Variants in HNRNPM observed in about 807,000 individuals in gnomAD.
The protein encoded by HNRNPM is CEA receptor.
A neutral mutation model predicts 73.1 loss-of-function variants in HNRNPM; 11 were observed. The observed-to-expected ratio is 0.15, with a 90% CI of 0.09 to 0.25. The LOEUF is 0.25. Among genes scored for constraint, HNRNPM ranks in the 10% least tolerant of loss-of-function variants. The pLI, the probability that HNRNPM is intolerant of heterozygous loss-of-function variation, is 1.00. For missense variants in HNRNPM, 789 were observed against 1,067.9 expected (o/e 0.74, Z 3.64); for synonymous variants, 407 against 355.2 (o/e 1.15, Z -1.64).
intron 12 of HNRNPM, 190 bp from the exon 13 acceptor site, chr19:8,482,968 C>G: frequency 1.8e-6 from 1 of 558,258 alleles, no homozygotes; most frequent in Non-Finnish European, 3.1e-6. Context: ...GTCTTGGCAT[C>G]GTGACCCAGC....
At position 8,462,790 on chromosome 19, in the gene HNRNPM, A is replaced by T. The variant is rs562964732; in HGVS notation, c.336+209A>T. 1.3e-5 allele frequency among the ~76,000 whole-genome samples: 2 copies of T among 152,258 alleles called. No homozygotes were observed. Among genetic ancestry groups the T allele is most frequent in the East Asian group, 3.9e-4 (2 of 5,188 alleles). ...ATGGCTGGCCAAAGAGCTTTTTGGT[A>T]TTCTGTTTGGATGCCCAATTTGGAT... is the stretch of plus-strand genomic sequence containing the variant. On this transcript the variant is annotated intron_variant, in intron 3 of 15. Coordinates refer to ENST00000325495, the MANE Select transcript of HNRNPM (RefSeq NM_005968.5). The surrounding 1 kb of genome is among the most constrained non-coding windows in gnomAD (Gnocchi z 4.5).
intron 1 of HNRNPM, among the ~76,000 whole-genome samples, 176 bp from the exon 2 acceptor site, chr19:8,455,226 CCTT>C (rs1027844884): frequency 3.3e-5 from 5 of 152,138 alleles, no homozygotes; most frequent in African/African-American, 1.2e-4. Context: ...AATGATCCCC[CCTT>C]CTTGGCTTCC....
chr19:8,477,411 A>G (rs1372108409), intron 12 of HNRNPM, among the ~76,000 whole-genome samples: 2 of 152,120 alleles, frequency 1.3e-5, no homozygotes, highest in African/African-American at 2.4e-5. Flanking sequence ...TTATCCCAAC[A>G]CTTTGGGAGG....
At chr19:8,468,067 A>C (rs1215124606) in intron 8 of HNRNPM, among the ~76,000 whole-genome samples, 1 of 152,216 alleles carries the variant, frequency 6.6e-6, no homozygotes, top group Non-Finnish European at 1.5e-5. Context: ...TGCTCATGGC[A>C]GCTCTTGACT....
chr19:8,465,444 C>G lies in HNRNPM; in HGVS notation c.559C>G (p.Pro187Ala), dbSNP rs1447883388. The G allele has an allele frequency of 1.2e-6, 2 of 1,613,538 alleles. No individual in the cohort carries two copies. Among genetic ancestry groups the G allele is most frequent in the Non-Finnish European group, 1.7e-6 (2 of 1,179,656 alleles). The change falls in exon 6 of 16, where the codon CCC (proline) becomes GCC (alanine). Residue 187 changes from proline (P) to alanine (A), a missense_variant. Coordinates refer to ENST00000325495, the MANE Select transcript of HNRNPM (RefSeq NM_005968.5). ...ITIPPSILNN[P>A]NIPNEIIHAL... is the part of the protein sequence containing the mutation. ...TATCCCACCCAGTATCCTAAATAATCCCAACATCCCAAATGAGATTATCCA... is the reference window on the plus strand; with the variant it reads ...TATCCCACCCAGTATCCTAAATAATGCCAACATCCCAAATGAGATTATCCA...
intron 10 of HNRNPM, among the ~76,000 whole-genome samples, chr19:8,471,674 T>C (rs529518171): frequency 6.6e-6 from 1 of 152,350 alleles, no homozygotes; most frequent in African/African-American, 2.4e-5. Context: ...GCTGAAATAG[T>C]TGTGCCATTT....
At chr19:8,446,072 C>T (rs1214683576) in intron 1 of HNRNPM, among the ~76,000 whole-genome samples, 1 of 152,184 alleles carries the variant, frequency 6.6e-6, no homozygotes, top group Non-Finnish European at 1.5e-5. Context: ...GTTTTGGCTC[C>T]AAGATCAGCG....
chr19:8,452,292 G>GT (rs910064662), intron 1 of HNRNPM, among the ~76,000 whole-genome samples: 14 of 152,164 alleles, frequency 9.2e-5, no homozygotes, highest in Non-Finnish European at 2.1e-4. Context: ...CTGTCAGAAT[G>GT]TTTTTTATTG....
intron 11 of HNRNPM, 32 bp from the exon 12 acceptor site, chr19:8,474,135 G>T: frequency 6.6e-7 from 1 of 1,507,214 alleles, no homozygotes; most frequent in Non-Finnish European, 9.0e-7. Context: ...CAGTCTTGTT[G>T]GATGATGCTG....
chr19:8,466,482 A>G, intron 7 of HNRNPM, 94 bp downstream of exon 7: 4 of 1,279,782 alleles, frequency 3.1e-6, no homozygotes, highest in Non-Finnish European at 4.5e-6. Context: ...GACTGTGTGT[A>G]TTCATGTTTT....
Position 8,449,597 on chromosome 19 carries a change from G to A in HNRNPM, c.113+4486G>A, listed in dbSNP as rs1319964453. 4.5e-4 allele frequency among the ~76,000 whole-genome samples: 3 copies of A among 6,640 alleles called. 1 individual carries two copies. Among genetic ancestry groups the A allele is most frequent in the African/African-American group, 4.6e-4 (3 of 6,456 alleles). The allele number at this position is 6,640 out of a possible 152,430, so 4.4% of individuals were successfully genotyped here. On this transcript the variant is annotated intron_variant, in intron 1 of 15. Transcript: ENST00000325495. ...GTCGCCCAGGCTGGAGTGCAGTGGCGGGATCTCGGCTCGCTGCAAGCTCCG... is the reference window on the plus strand; with the variant it reads ...GTCGCCCAGGCTGGAGTGCAGTGGCAGGATCTCGGCTCGCTGCAAGCTCCG...
chr19:8,483,226 G>A lies in HNRNPM; in HGVS notation c.1174+15G>A. 6.2e-7 allele frequency: 1 copy of A among 1,603,174 alleles called. No individual in the cohort carries two copies. Among genetic ancestry groups the A allele is most frequent in the Non-Finnish European group, 8.5e-7 (1 of 1,170,108 alleles). Reference sequence around the variant, plus strand: ...GCAGGGAGGAGGTAGGAACCGCTTAGTTTGATGTTTTGTTTTTTTAGAACA... The same window carrying A: ...GCAGGGAGGAGGTAGGAACCGCTTAATTTGATGTTTTGTTTTTTTAGAACA... On this transcript the variant is annotated intron_variant, in intron 13 of 15. Transcript: ENST00000325495.
At chr19:8,456,475 G>A (rs763631233) in intron 2 of HNRNPM, among the ~76,000 whole-genome samples, 2 of 152,156 alleles carry the variant, frequency 1.3e-5, no homozygotes, top group Admixed American at 6.5e-5. Context: ...CGCCCTCCCC[G>A]CACCCCGACC....
intron 1 of HNRNPM, among the ~76,000 whole-genome samples, chr19:8,450,120 T>G (rs1356883706): frequency 6.6e-6 from 1 of 152,190 alleles, no homozygotes; most frequent in Non-Finnish European, 1.5e-5. Context: ...TGAATAGTGC[T>G]CTCCACACCT....
intron 12 of HNRNPM, among the ~76,000 whole-genome samples, chr19:8,480,069 G>A (rs1306045588): frequency 8.7e-5 from 12 of 138,214 alleles, no homozygotes; most frequent in Non-Finnish European, 1.1e-4. Context: ...CACCGCACCC[G>A]GCCAAAGAAA....
At chr19:8,481,803 C>A (rs973361696) in intron 12 of HNRNPM, among the ~76,000 whole-genome samples, 7 of 152,040 alleles carry the variant, frequency 4.6e-5, no homozygotes, top group Non-Finnish European at 1.5e-5. Context: ...TCAGGCATGC[C>A]GGGCAGGATC....
Position 8,466,349 on chromosome 19 carries a change from G to A in HNRNPM, c.745G>A (p.Val249Ile). Residue 249 changes from valine (V) to isoleucine (I), a missense_variant, in exon 7 of 16, where the codon GTT (valine) becomes ATT (isoleucine). Physicochemically the swap from Val to Ile is conservative, Grantham distance 29 (BLOSUM62 3). Transcript: ENST00000325495. ...TGGAAAAAGTCGTGGAATAGGCACT[G>A]TTACTTTTGAACAGTCCATTGAAGC... ...KDGKSRGIGTVTFEQSIEAVQ... is the reference protein window; with the variant it reads ...KDGKSRGIGTITFEQSIEAVQ... 6.2e-7 allele frequency: 1 copy of A among 1,614,104 alleles called. No individual in the cohort carries two copies. Among genetic ancestry groups the A allele is most frequent in the Non-Finnish European group, 8.5e-7 (1 of 1,179,990 alleles).
At position 8,488,913 on chromosome 19, in the gene HNRNPM, AC is replaced by A; in HGVS notation, c.*61del. 6.9e-7 allele frequency: 1 copy of A among 1,458,200 alleles called. No individual in the cohort carries two copies. Among genetic ancestry groups the A allele is most frequent in the African/African-American group, 1.4e-5 (1 of 71,232 alleles). 90.3% of individuals were successfully genotyped at this position (1,458,200 alleles called of 1,614,324 possible). On this transcript the variant is annotated 3_prime_UTR_variant, in exon 16 of 16. Transcript: ENST00000325495. ...TCTGAATTTGTATTTTTTCTTGTTA[AC>A]CATTTTAATTTGTTGGCTGGATGTA...
In HNRNPM at chr19:8,462,371, G is replaced by T; in HGVS notation, c.284-158G>T. ...TTTCACCTACTTTTACTGCACACCT[G>T]TAATGCCTAGTTCGGTGGTTTAGAG... On this transcript the variant is annotated intron_variant, in intron 2 of 15. Coordinates refer to ENST00000325495, the MANE Select transcript of HNRNPM (RefSeq NM_005968.5). This position sits in a 1 kb window ranked among gnomAD's most constrained non-coding sequence, Gnocchi z 4.5. The T allele has an allele frequency of 1.5e-6, 1 of 671,924 alleles. No individual in the cohort carries two copies. 41.6% of individuals were successfully genotyped at this position (671,924 alleles called of 1,614,324 possible). A position where few individuals can be genotyped will look rare whatever the true frequency, so the allele number is the denominator to read the frequency against.
Sources: gnomAD v4.1 joint callset for allele counts (sites outside exome capture counted in the v4.1 genomes callset) on GRCh38, gnomAD v4.1.1 for gene constraint, Gnocchi (gnomAD v3.1) non-coding constraint, MANE v1.5 for transcripts, NCBI Gene and HGNC (gene_info 2026-07-23, HGNC 2026-07-21) for gene names.